Variants in SOX5 observed in about 807,000 individuals in gnomAD.
The protein encoded by SOX5 is SRY-box transcription factor 5.
Under a neutral mutation model 92.0 loss-of-function variants are expected in SOX5, and 9 were observed. The ratio of observed to expected loss-of-function variants is 0.10; its 90% CI spans 0.06 to 0.17. The LOEUF is 0.17. Among genes scored for constraint, SOX5 ranks in the 10% least tolerant of loss-of-function variants. The pLI is 1.00. For missense variants in SOX5, 642 were observed against 944.5 expected (o/e 0.68, Z 4.20); for synonymous variants, 344 against 336.3 (o/e 1.02, Z -0.25).
chr12:24,082,404 GAAAAAAAAAAAAA>G lies in SOX5; in HGVS notation c.-2+130926_-2+130938del, dbSNP rs58736325. Among the ~76,000 whole-genome samples, 66 of 73,460 alleles carry G rather than the reference GAAAAAAAAAAAAA, an allele frequency of 9.0e-4. 2 individuals carry two copies. Among genetic ancestry groups the G allele is most frequent in the South Asian group, 1.9e-3 (3 of 1,578 alleles). The allele number at this position is 73,460 out of a possible 152,430, so 48.2% of individuals were successfully genotyped here. On this transcript the variant is annotated intron_variant, in intron 4 of 4. Coordinates refer to the SOX5 transcript ENST00000446891. ...TCACCAGGGCTGCTCCTTTCGAAAA[GAAAAAAAAAAAAA>G]AAAAAAAAAAAAAAAAAGATGTATC...
chr12:23,983,341 G>A (rs1025687395), intron 4 of SOX5, among the ~76,000 whole-genome samples: 1 of 152,066 alleles, frequency 6.6e-6, no homozygotes, highest in Non-Finnish European at 1.5e-5. Flanking sequence ...CTCAAATCAT[G>A]CTTTCTGATT....
chr12:24,360,238 A>G (rs1955389632), intron 2 of SOX5, among the ~76,000 whole-genome samples: 2 of 152,218 alleles, frequency 1.3e-5, no homozygotes, highest in African/African-American at 4.8e-5. Context: ...ATTCCCTTAT[A>G]TAAATAGAAC....
At position 24,009,202 on chromosome 12, in the gene SOX5, C is replaced by T. The variant is rs561820965; in HGVS notation, c.-1-113178G>A. ...GACTACAACTACATAAGAGATTCCA[C>T]GTGAGACCCATCCAGTTAAACCCAA... On this transcript the variant is annotated intron_variant, in intron 4 of 4. Transcript: ENST00000446891. 6.6e-5 allele frequency among the ~76,000 whole-genome samples: 10 copies of T among 152,306 alleles called. No individual in the cohort carries two copies. In the East Asian group the frequency reaches 9.6e-4, roughly 15 times the overall value.
intron 1 of SOX5, among the ~76,000 whole-genome samples, chr12:24,374,334 T>C (rs2970422): frequency 0.74 from 111,984 of 151,894 alleles, 41,495 homozygotes; most frequent in African/African-American, 0.78. Context: ...CTGTTTTTAG[T>C]CTTGTGTCCA....
In SOX5 at chr12:24,409,466, A is replaced by AT. The variant is rs887487122; in HGVS notation, c.-250-40828dup. 1.7e-4 allele frequency among the ~76,000 whole-genome samples: 26 copies of AT among 152,184 alleles called. 1 individual carries two copies. Among genetic ancestry groups the AT allele is most frequent in the Admixed American group, 6.5e-4 (10 of 15,282 alleles). ...TATCCCTTTTTTTTTAGAAAAAATAATTTTTTTTAAAGTTTGAGATTATTA... is the reference window on the plus strand; with the variant it reads ...TATCCCTTTTTTTTTAGAAAAAATAATTTTTTTTTAAAGTTTGAGATTATTA... On this transcript the variant is annotated intron_variant, in intron 1 of 4. Coordinates refer to the SOX5 transcript ENST00000446891.
At chr12:23,702,952 C>T (rs2140237509) in intron 6 of SOX5, among the ~76,000 whole-genome samples, 1 of 152,072 alleles carries the variant, frequency 6.6e-6, no homozygotes, top group East Asian at 1.9e-4. Flanking sequence ...TGCAATTGTC[C>T]ATGGGTAACT....
chr12:23,891,116 T>A lies in SOX5; in HGVS notation c.270+4677A>T, dbSNP rs138924414. 5.3e-5 allele frequency among the ~76,000 whole-genome samples: 8 copies of A among 152,352 alleles called. No individual in the cohort carries two copies. The East Asian group carries it at 1.5e-3, about 29-fold the overall frequency. Reference sequence around the variant, plus strand: ...TGTGAATATATGTATATGTATATAGTGTGCTTAAGAAAGCTCATCTGTAGT... The same window carrying A: ...TGTGAATATATGTATATGTATATAGAGTGCTTAAGAAAGCTCATCTGTAGT... On this transcript the variant is annotated intron_variant, in intron 2 of 14. Transcript: ENST00000451604.
At chr12:23,817,948 A>C (rs2096028525) in intron 3 of SOX5, among the ~76,000 whole-genome samples, 2 of 152,234 alleles carry the variant, frequency 1.3e-5, no homozygotes, top group Admixed American at 6.5e-5. Flanking sequence ...TGAGAGAATG[A>C]CTGAATAGGT....
chr12:23,974,398 C>T (rs942461863), intron 4 of SOX5, among the ~76,000 whole-genome samples: 2 of 151,966 alleles, frequency 1.3e-5, no homozygotes, highest in African/African-American at 4.8e-5. Flanking sequence ...CTTATTGACA[C>T]TAATGTTGTT....
chr12:24,515,440 T>G (rs1040392364), intron 1 of SOX5, among the ~76,000 whole-genome samples: 1 of 152,206 alleles, frequency 6.6e-6, no homozygotes, highest in Non-Finnish European at 1.5e-5. Flanking sequence ...GCTTTGATAC[T>G]TCATTCAAAA....
intron 1 of SOX5, among the ~76,000 whole-genome samples, chr12:23,928,451 T>C (rs1190379331): frequency 6.6e-6 from 1 of 152,062 alleles, no homozygotes; most frequent in Non-Finnish European, 1.5e-5. Flanking sequence ...GTATGAAACC[T>C]AATGCCTTTA....
chr12:24,223,234 T>C (rs1007365358), intron 3 of SOX5: 2 of 152,186 alleles, frequency 1.3e-5, no homozygotes, highest in African/African-American at 4.8e-5. Context: ...TGTTAGAACA[T>C]TTTCCAGCAT....
At chr12:24,395,846 C>T (rs866734271) in intron 1 of SOX5, among the ~76,000 whole-genome samples, 2 of 152,206 alleles carry the variant, frequency 1.3e-5, no homozygotes, top group Non-Finnish European at 2.9e-5. Flanking sequence ...GTACTGCTAG[C>T]AGTGACATCA....
At chr12:24,408,825 AAC>A (rs1425490462) in intron 1 of SOX5, among the ~76,000 whole-genome samples, 2 of 152,220 alleles carry the variant, frequency 1.3e-5, no homozygotes, top group African/African-American at 4.8e-5. Flanking sequence ...GTCAGGAAAC[AAC>A]AGATGCTGGT....
chr12:24,372,290 A>G (rs1011413766), intron 1 of SOX5, among the ~76,000 whole-genome samples: 3 of 151,802 alleles, frequency 2.0e-5, no homozygotes, highest in Non-Finnish European at 2.9e-5. Flanking sequence ...CTAGCCCCCC[A>G]GCCCCCAACA....
Position 24,296,779 on chromosome 12 carries a change from T to C in SOX5, c.-173-19467A>G, listed in dbSNP as rs1027710516. ...CTAAGGCATTATCACTTCACAGTTA[T>C]CTAGAAAGCAAATCTGTAATCGGCA... On this transcript the variant is annotated intron_variant, in intron 2 of 4. Coordinates refer to the SOX5 transcript ENST00000446891. Among the ~76,000 whole-genome samples, 9 of 149,144 alleles carry C rather than the reference T, an allele frequency of 6.0e-5. 1 individual carries two copies. In the South Asian group the frequency reaches 8.4e-4, roughly 14 times the overall value.
chr12:24,071,182 T>C (rs1056272225), intron 4 of SOX5, among the ~76,000 whole-genome samples: 6 of 152,262 alleles, frequency 3.9e-5, no homozygotes, highest in Non-Finnish European at 8.8e-5. Context: ...TTATACCATG[T>C]AGACCATTAA....
At chr12:24,012,972 ATCACT>A (rs1263205918) in intron 4 of SOX5, among the ~76,000 whole-genome samples, 7 of 152,168 alleles carry the variant, frequency 4.6e-5, no homozygotes, top group Non-Finnish European at 7.4e-5. Flanking sequence ...TCATTTGGTG[ATCACT>A]TCATTCCCAT....
chr12:24,327,523 G>C (rs529348461), intron 2 of SOX5, among the ~76,000 whole-genome samples: 28 of 147,884 alleles, frequency 1.9e-4, no homozygotes, highest in African/African-American at 6.7e-4. Flanking sequence ...TCAAGCAATT[G>C]TCCTACCTCA....
Sources: allele counts gnomAD v4.1 joint callset (sites outside exome capture counted in the v4.1 genomes callset), GRCh38; gene constraint gnomAD v4.1.1; transcripts MANE v1.5; gene names NCBI Gene and HGNC (gene_info 2026-07-23, HGNC 2026-07-21).